ARHGEF3: variants seen among roughly 807,000 people sequenced by gnomAD.
ARHGEF3 encodes the protein Rho guanine nucleotide exchange factor 3.
ARHGEF3 carries 28 observed loss-of-function variants against 63.2 expected under a neutral mutation model. The observed-to-expected ratio is 0.44, with a 90% CI of 0.33 to 0.61. ARHGEF3 has a LOEUF of 0.61. Ranked by LOEUF, ARHGEF3 falls within the 20% of genes least tolerant of loss-of-function variation. The probability of loss-of-function intolerance (pLI) is 0.03; values close to 1 mark genes in which losing one functional copy is unlikely to be tolerated. For missense variants in ARHGEF3, 533 were observed against 659.3 expected, an observed-to-expected ratio of 0.81 and a Z score of 2.10; for synonymous variants, 266 against 254.2, an observed-to-expected ratio of 1.05 and a Z score of -0.44.
chr3:57,043,229 G>C (rs993853178), intron 1 of ARHGEF3, among the ~76,000 whole-genome samples: 1 of 151,410 alleles, frequency 6.6e-6, no homozygotes, highest in Non-Finnish European at 1.5e-5. Context: ...CGATTCTCCT[G>C]CCTCAGCCTC....
chr3:56,836,537 T>A (rs758500382), intron 4 of ARHGEF3, among the ~76,000 whole-genome samples: 8 of 152,150 alleles, frequency 5.3e-5, no homozygotes, highest in Non-Finnish European at 1.0e-4. Context: ...TTTCAACCCA[T>A]TCCCTGCCTA....
chr3:56,820,398 C>T (rs1478432489), intron 4 of ARHGEF3, among the ~76,000 whole-genome samples: 1 of 152,142 alleles, frequency 6.6e-6, no homozygotes, highest in Non-Finnish European at 1.5e-5. Flanking sequence ...TGAGAAAGCA[C>T]ACCTGAATCC....
chr3:57,008,076 C>A (rs912754038), intron 2 of ARHGEF3, among the ~76,000 whole-genome samples: 2 of 152,204 alleles, frequency 1.3e-5, no homozygotes, highest in African/African-American at 4.8e-5. Context: ...CTGCTTTGTG[C>A]TCTGCTGAGA....
chr3:57,021,415 A>G (rs1335996420), intron 2 of ARHGEF3, among the ~76,000 whole-genome samples: 3 of 152,212 alleles, frequency 2.0e-5, no homozygotes, highest in African/African-American at 7.2e-5. Flanking sequence ...ACTCCCACTG[A>G]AGTGGGTACA....
chr3:56,948,681 G>A (rs1025911051), intron 3 of ARHGEF3, among the ~76,000 whole-genome samples: 2 of 152,144 alleles, frequency 1.3e-5, no homozygotes, highest in Non-Finnish European at 2.9e-5. Context: ...TGGATTCACA[G>A]CCGAATTCTA....
At chr3:57,000,891 G>A (rs1019006606) in intron 2 of ARHGEF3, among the ~76,000 whole-genome samples, 2 of 152,138 alleles carry the variant, frequency 1.3e-5, no homozygotes, top group Non-Finnish European at 2.9e-5. Context: ...TAAACTTTAT[G>A]TAAATGGAAT....
At chr3:56,811,536 T>C (rs1464643814) in intron 4 of ARHGEF3, among the ~76,000 whole-genome samples, 2 of 152,282 alleles carry the variant, frequency 1.3e-5, no homozygotes, top group East Asian at 3.9e-4. Context: ...CTGAAAGTGT[T>C]CTGTGTGCTG....
chr3:56,922,718 A>C (rs2042175296), intron 3 of ARHGEF3, among the ~76,000 whole-genome samples: 1 of 152,164 alleles, frequency 6.6e-6, no homozygotes, highest in Non-Finnish European at 1.5e-5. Context: ...GTTAACAATA[A>C]ATTAATATTT....
chr3:56,921,985 A>G (rs940369049), intron 3 of ARHGEF3, among the ~76,000 whole-genome samples: 2 of 152,072 alleles, frequency 1.3e-5, no homozygotes, highest in Non-Finnish European at 2.9e-5. Flanking sequence ...CTCTGTCTTT[A>G]TTCTCTCTAA....
chr3:57,042,683 TATATATATATATATA>T (rs1337501184), intron 1 of ARHGEF3, among the ~76,000 whole-genome samples: 932 of 40,338 alleles, frequency 0.023, 104 homozygotes, highest in South Asian at 0.049. Context: ...TATATATATA[TATATATATATATATA>T]TATTTTTTTT....
intron 8 of ARHGEF3, among the ~76,000 whole-genome samples, chr3:56,734,076 C>T (rs965457882): frequency 6.7e-6 from 1 of 149,796 alleles, no homozygotes; most frequent in Non-Finnish European, 1.5e-5. Context: ...AAAAAGTTGA[C>T]GACTGATGTG....
At chr3:57,024,854 T>C (rs1465736614) in intron 2 of ARHGEF3, among the ~76,000 whole-genome samples, 1 of 152,228 alleles carries the variant, frequency 6.6e-6, no homozygotes, top group Non-Finnish European at 1.5e-5. Context: ...CAATATAATA[T>C]CTCAATCTGA....
chr3:56,732,553 T>C, intron 8 of ARHGEF3, 129 bp from the exon 9 acceptor site: 16 of 1,099,044 alleles, frequency 1.5e-5, no homozygotes, highest in East Asian at 2.5e-5. Context: ...TAGGTTCAAA[T>C]CTACCTCCAG....
chr3:56,790,240 T>C (rs1226926391), intron 1 of ARHGEF3, among the ~76,000 whole-genome samples: 1 of 152,210 alleles, frequency 6.6e-6, no homozygotes, highest in Non-Finnish European at 1.5e-5. Flanking sequence ...CTTTGGAACC[T>C]GGGCATAAAG....
intron 8 of ARHGEF3, among the ~76,000 whole-genome samples, chr3:56,734,707 A>G (rs538295135): frequency 6.6e-6 from 1 of 152,302 alleles, no homozygotes; most frequent in South Asian, 2.1e-4. Context: ...TCCCACCCCT[A>G]TCCCTACTAC....
rs537483698 is a variant in ARHGEF3 at position 56,893,811 on chromosome 3, CAAAAAAAAAAAAAAAAAAAAAAAA to C, written c.130-11481_130-11458del. Among the ~76,000 whole-genome samples the C allele has an allele frequency of 9.2e-4, 73 of 79,552 alleles. 1 individual carries two copies. Among genetic ancestry groups the C allele is most frequent in the Middle Eastern group, 7.2e-3 (1 of 138 alleles). 52.2% of individuals were successfully genotyped at this position (79,552 alleles called of 152,430 possible). A position where few individuals can be genotyped will look rare whatever the true frequency, so the allele number is the denominator to read the frequency against. On this transcript the variant is annotated intron_variant, in intron 3 of 12. Coordinates refer to the ARHGEF3 transcript ENST00000338458. The stretch of plus-strand genomic sequence containing the variant: ...ACAGAGCAAGAACAAGACTCTGTCT[CAAAAAAAAAAAAAAAAAAAAAAAA>C]AAAAAAAAAAAAAAAAATCCACTGC...
intron 4 of ARHGEF3, among the ~76,000 whole-genome samples, chr3:56,853,073 A>G (rs934964145): frequency 1.2e-4 from 18 of 152,242 alleles, no homozygotes; most frequent in African/African-American, 4.3e-4. Context: ...AATTTGATCC[A>G]AAAATGGAAA....
At chr3:56,729,853 CAGGTGGAGATCA>C (rs2033000681) in intron 9 of ARHGEF3, among the ~76,000 whole-genome samples, 1 of 151,986 alleles carries the variant, frequency 6.6e-6, no homozygotes, top group African/African-American at 2.4e-5. Flanking sequence ...CAGAAACCCG[CAGGTGGAGATCA>C]TCTTGGAACC....
Position 56,801,939 on chromosome 3 carries a change from A to G in ARHGEF3, c.-141T>C, listed in dbSNP as rs2037678458. 2.1e-6 allele frequency: 3 copies of G among 1,405,460 alleles called. No homozygotes were observed. The highest frequency in any genetic ancestry group is 1.9e-6 in the Non-Finnish European group (2 of 1,060,100). 87.1% of individuals were successfully genotyped at this position (1,405,460 alleles called of 1,614,324 possible). On this transcript the variant is annotated 5_prime_UTR_variant, in exon 1 of 10. Coordinates refer to ENST00000296315, the MANE Select transcript of ARHGEF3 (RefSeq NM_019555.3). ...ACCGACAGCCGGCTTCTAGCCGGGC[A>G]GGACTCGACTGGGCTCCGGAGCCGA...
Sources: gnomAD v4.1 joint callset for allele counts (sites outside exome capture counted in the v4.1 genomes callset) on GRCh38, gnomAD v4.1.1 for gene constraint, MANE v1.5 for transcripts, NCBI Gene and HGNC (gene_info 2026-07-23, HGNC 2026-07-21) for gene names.